Variants in PPFIBP2 observed in about 807,000 individuals in gnomAD.
PPFIBP2 encodes the protein PPFIB scaffold protein 2.
PPFIBP2 carries 118 observed loss-of-function variants against 118.3 expected under a neutral mutation model. That is an observed-to-expected ratio of 1.00 (90% CI 0.86 to 1.16). The LOEUF is 1.16. Among genes scored for constraint, PPFIBP2 ranks in the 50% most tolerant of loss-of-function variants. The pLI is 0.00. For synonymous variants in PPFIBP2, 414 were observed against 397.4 expected (o/e 1.04, Z -0.50); for missense variants, 1,195 against 1,073.1 (o/e 1.11, Z -1.59).
intron 6 of PPFIBP2, among the ~76,000 whole-genome samples, chr11:7,618,629 G>A (rs1184740274): frequency 6.6e-6 from 1 of 152,232 alleles, no homozygotes. Context: ...GTCAAAGCAG[G>A]TATCTGAGGC....
chr11:7,543,700 T>A (rs1022971885), intron 1 of PPFIBP2, among the ~76,000 whole-genome samples: 1 of 152,170 alleles, frequency 6.6e-6, no homozygotes, highest in African/African-American at 2.4e-5. Context: ...TAAACAAAGG[T>A]TTACTTGCTT....
intron 6 of PPFIBP2, among the ~76,000 whole-genome samples, chr11:7,614,001 A>G (rs575591248): frequency 6.6e-6 from 1 of 152,184 alleles, no homozygotes; most frequent in African/African-American, 2.4e-5. Context: ...TGTGGTTAGG[A>G]CCCTGGGAGA....
chr11:7,660,987 G>A (rs534199253), downstream of PPFIBP2, among the ~76,000 whole-genome samples: 8 of 151,872 alleles, frequency 5.3e-5, no homozygotes, highest in South Asian at 1.3e-3. Flanking sequence ...TGGGATCGGT[G>A]GTGATATCCC....
At chr11:7,630,807 T>C in intron 10 of PPFIBP2, 118 bp from the exon 11 acceptor site, 1 of 765,072 alleles carries the variant, frequency 1.3e-6, no homozygotes. Context: ...TTACTGTCCC[T>C]TTATATATTT....
At chr11:7,525,854 C>T (rs952161598) in intron 1 of PPFIBP2, among the ~76,000 whole-genome samples, 3 of 152,134 alleles carry the variant, frequency 2.0e-5, no homozygotes, top group Non-Finnish European at 4.4e-5. Context: ...TGTGCAAAGC[C>T]GGTATCCCTG....
intron 1 of PPFIBP2, among the ~76,000 whole-genome samples, chr11:7,534,099 G>A (rs964195389): frequency 2.0e-5 from 3 of 152,168 alleles, no homozygotes; most frequent in Non-Finnish European, 4.4e-5. Flanking sequence ...GGAATGTTAG[G>A]ACCTATTCAG....
Position 7,651,820 on chromosome 11 carries a change from A to G in PPFIBP2, c.2412A>G (p.Pro804=), listed in dbSNP as rs776641418. ...AAATGGCCTCACCAGCTTACACACC[A>G]CTGACCACCACAGCCAAAGTCCGGG... ...REKMASPAYT[P]LTTTAKVRPR... is the part of the protein sequence containing the mutation. The change falls in exon 23 of 24, where the codon CCA becomes CCG. Residue 804 remains proline (P), a synonymous_variant. Transcript: ENST00000299492. The G allele has an allele frequency of 7.4e-6, 12 of 1,611,878 alleles. No homozygotes were observed. The highest frequency in any genetic ancestry group is 1.0e-5 in the Non-Finnish European group (12 of 1,178,346).
downstream of PPFIBP2, chr11:7,653,758 C>G: frequency 8.3e-7 from 1 of 1,207,266 alleles, no homozygotes; most frequent in Non-Finnish European, 1.1e-6. Context: ...ATGCGGAAAG[C>G]AAGCAGCTCA....
In PPFIBP2 at chr11:7,531,450, G is replaced by C. The variant is rs563310173; in HGVS notation, c.-37+17329G>C. Among the ~76,000 whole-genome samples, 6 of 152,310 alleles carry C rather than the reference G, an allele frequency of 3.9e-5. No individual in the cohort carries two copies. In the East Asian group the frequency reaches 5.8e-4, roughly 15 times the overall value. On this transcript the variant is annotated intron_variant, in intron 1 of 23. Coordinates refer to ENST00000299492, the MANE Select transcript of PPFIBP2 (RefSeq NM_003621.5). The stretch of plus-strand genomic sequence containing the variant: ...CCTCACTAAATGGTCTCGGTCCAGA[G>C]GTGGGATTCGACTTAGAGCTGACTT...
At chr11:7,549,725 G>A (rs1277048328) in intron 2 of PPFIBP2, among the ~76,000 whole-genome samples, 186 bp downstream of exon 2, 1 of 149,452 alleles carries the variant, frequency 6.7e-6, no homozygotes, top group African/African-American at 2.5e-5. Flanking sequence ...ACAACTCTCT[G>A]ATGTCTGGTG....
In PPFIBP2 at chr11:7,544,337, A is replaced by C. The variant is rs377705695; in HGVS notation, c.-36-5103A>C. ...CTCTGTATTGTGTGTGCTAAGAGCA[A>C]TATCCTTCTCTGTGTCCACTTCTTT... On this transcript the variant is annotated intron_variant, in intron 1 of 23. Transcript: ENST00000299492. Among the ~76,000 whole-genome samples, 10 of 152,260 alleles carry C rather than the reference A, an allele frequency of 6.6e-5. No individual in the cohort carries two copies. In the South Asian group the frequency reaches 1.9e-3, roughly 28 times the overall value.
chr11:7,592,104 A>G (rs1450659223), intron 3 of PPFIBP2, among the ~76,000 whole-genome samples: 1 of 152,214 alleles, frequency 6.6e-6, no homozygotes, highest in Non-Finnish European at 1.5e-5. Flanking sequence ...TCACTGGACC[A>G]GCTCAGATTG....
intron 1 of PPFIBP2, among the ~76,000 whole-genome samples, chr11:7,543,528 CA>C (rs1852000206): frequency 2.6e-5 from 4 of 152,168 alleles, no homozygotes; most frequent in Admixed American, 2.6e-4. Flanking sequence ...GTCCAAGGCT[CA>C]GAATATCCTG....
At position 7,549,529 on chromosome 11, in the gene PPFIBP2, G is replaced by A. The variant is rs752182193; in HGVS notation, c.54G>A (p.Gly18=). 14 of 1,563,122 alleles carry A rather than the reference G, an allele frequency of 9.0e-6. No homozygotes were observed. Among genetic ancestry groups the A allele is most frequent in the African/African-American group, 2.7e-5 (2 of 73,222 alleles). ...ALEAALEQMD[G]IIAGTKTGAD... is the part of the protein sequence containing the mutation. ...AAGCTGCCCTGGAGCAAATGGACGGGATCATTGCAGGTACGCCCAGGGAAC... is the reference window on the plus strand; with the variant it reads ...AAGCTGCCCTGGAGCAAATGGACGGAATCATTGCAGGTACGCCCAGGGAAC... Residue 18 remains glycine (G), a synonymous_variant, in exon 2 of 24, where the codon GGG becomes GGA. Coordinates refer to ENST00000299492, the MANE Select transcript of PPFIBP2 (RefSeq NM_003621.5).
At chr11:7,631,857 A>C (rs1004483919) in intron 11 of PPFIBP2, among the ~76,000 whole-genome samples, 19 of 152,186 alleles carry the variant, frequency 1.2e-4, no homozygotes, top group African/African-American at 4.1e-4. Context: ...ACTGTGATGA[A>C]CATTGTATCT....
chr11:7,585,507 G>A (rs1565007602), intron 3 of PPFIBP2, among the ~76,000 whole-genome samples: 3 of 152,174 alleles, frequency 2.0e-5, no homozygotes, highest in African/African-American at 4.8e-5. Flanking sequence ...TGCCAGTTGG[G>A]GAGTGCTACA....
chr11:7,515,448 C>T lies in PPFIBP2; in HGVS notation c.-37+1327C>T, dbSNP rs373312225. 1.3e-4 allele frequency among the ~76,000 whole-genome samples: 20 copies of T among 152,200 alleles called. 1 individual carries two copies. The highest frequency in any genetic ancestry group is 4.6e-4 in the African/African-American group (19 of 41,514). Reference sequence around the variant, plus strand: ...TGGAATGAGATCAATGACATGAAGGCGGTAGGAACAAAGTTATGGGAATTC... The same window carrying T: ...TGGAATGAGATCAATGACATGAAGGTGGTAGGAACAAAGTTATGGGAATTC... On this transcript the variant is annotated intron_variant, in intron 1 of 23. Coordinates refer to ENST00000299492, the MANE Select transcript of PPFIBP2 (RefSeq NM_003621.5).
chr11:7,648,370 G>C lies in PPFIBP2; in HGVS notation c.1647-17G>C, dbSNP rs1488647814. 14 of 1,603,036 alleles carry C rather than the reference G, an allele frequency of 8.7e-6. No homozygotes were observed. Among genetic ancestry groups the C allele is most frequent in the Non-Finnish European group, 1.1e-5 (13 of 1,170,926 alleles). ...GCTCTCCCACTAACAGGAATATGCTGTTTTCCTGCTTCCCAGTGACGCCAA... is the reference window on the plus strand; with the variant it reads ...GCTCTCCCACTAACAGGAATATGCTCTTTTCCTGCTTCCCAGTGACGCCAA... On this transcript the variant is annotated splice_polypyrimidine_tract_variant and intron_variant, in intron 17 of 23. Coordinates refer to ENST00000299492, the MANE Select transcript of PPFIBP2 (RefSeq NM_003621.5).
chr11:7,547,168 G>A (rs527757309), intron 1 of PPFIBP2, among the ~76,000 whole-genome samples: 114 of 152,300 alleles, frequency 7.5e-4, no homozygotes, highest in Non-Finnish European at 1.5e-4. Context: ...ACGTGGTGCC[G>A]GGGGGCGGTG....
Sources: allele counts gnomAD v4.1 joint callset (sites outside exome capture counted in the v4.1 genomes callset), GRCh38; gene constraint gnomAD v4.1.1; transcripts MANE v1.5; gene names NCBI Gene and HGNC (gene_info 2026-07-23, HGNC 2026-07-21).